Variants in PITPNM2 observed in about 807,000 individuals in gnomAD.
The protein encoded by PITPNM2 is membrane-associated phosphatidylinositol transfer protein 2.
A neutral mutation model predicts 132.2 loss-of-function variants in PITPNM2; 35 were observed. The ratio of observed to expected loss-of-function variants is 0.26; its 90% CI spans 0.20 to 0.35. The LOEUF is 0.35. PITPNM2 is among the 10% of genes least tolerant of loss of function. The probability of loss-of-function intolerance (pLI) is 1.00; values close to 1 mark genes in which losing one functional copy is unlikely to be tolerated. For synonymous variants in PITPNM2, 738 were observed against 799.2 expected (o/e 0.92, Z 1.29); for missense variants, 1,332 against 1,912.0 (o/e 0.70, Z 5.66).
chr12:123,043,395 C>A (rs1390798697), intron 2 of PITPNM2, among the ~76,000 whole-genome samples: 6 of 152,176 alleles, frequency 3.9e-5, no homozygotes, highest in African/African-American at 7.2e-5. Flanking sequence ...CCCCCACCCC[C>A]CACAGATTCC....
At chr12:123,028,836 T>TCAGAGG (rs983570645) in intron 3 of PITPNM2, among the ~76,000 whole-genome samples, 48 of 151,708 alleles carry the variant, frequency 3.2e-4, no homozygotes, top group African/African-American at 1.1e-3. Flanking sequence ...ACCCAGAGGG[T>TCAGAGG]CAGAGGAAGC....
intron 1 of PITPNM2, among the ~76,000 whole-genome samples, chr12:123,144,498 C>T (rs1040145367): frequency 6.6e-6 from 1 of 152,236 alleles, no homozygotes; most frequent in Admixed American, 6.5e-5. Flanking sequence ...GGGGCACGAT[C>T]TCGGCTCACT....
At chr12:123,017,561 C>T (rs2039477340) in intron 3 of PITPNM2, among the ~76,000 whole-genome samples, 1 of 152,228 alleles carries the variant, frequency 6.6e-6, no homozygotes, top group Non-Finnish European at 1.5e-5. Flanking sequence ...AAAACCTGTA[C>T]ACCAATGTTC....
In PITPNM2 at chr12:123,009,891, C is replaced by A; in HGVS notation, c.602G>T (p.Trp201Leu). 6.2e-7 allele frequency: 1 copy of A among 1,614,188 alleles called. No homozygotes were observed. Among genetic ancestry groups the A allele is most frequent in the Non-Finnish European group, 8.5e-7 (1 of 1,180,030 alleles). Reference protein sequence around the residue: ...YKLCKVEFRYWGMQSKIERFI... With the variant: ...YKLCKVEFRYLGMQSKIERFI... ...CCTCTCGATCTTGGACTGCATGCCC[C>A]AGTAGCGGAACTCCACCTTGCAGAG... Residue 201 changes from tryptophan to leucine, a missense_variant, in exon 6 of 26, where the codon TGG becomes TTG. Around this residue, in one of 6 missense-constraint regions of PITPNM2, gnomAD observed 122 missense variants for 209.6 expected, o/e 0.58. Transcript: ENST00000320201. This position sits in a 1 kb window ranked among gnomAD's most constrained non-coding sequence, Gnocchi z 4.8.
chr12:122,991,340 G>A (rs2038176283), intron 16 of PITPNM2, among the ~76,000 whole-genome samples: 1 of 152,214 alleles, frequency 6.6e-6, no homozygotes, highest in Non-Finnish European at 1.5e-5. Flanking sequence ...ACGGGGTACA[G>A]GAGGTGCCTG....
rs1229229533 is a variant in PITPNM2, at chr12:123,099,084, T to C, written c.-96+11301A>G. Among the ~76,000 whole-genome samples the C allele has an allele frequency of 6.6e-6, 1 of 152,142 alleles. No homozygotes were observed. Among genetic ancestry groups the C allele is most frequent in the East Asian group, 1.9e-4 (1 of 5,200 alleles). On this transcript the variant is annotated intron_variant, in intron 2 of 25. Transcript: ENST00000320201. This position sits in a 1 kb window ranked among gnomAD's most constrained non-coding sequence, Gnocchi z 4.2. ...GTGCCTCCCTTCTGTGCATGTGCTA[T>C]GCATTCTAACATGTGTCTATACCCC... is the stretch of plus-strand genomic sequence containing the variant.
At chr12:123,128,655 A>C in intron 1 of PITPNM2, among the ~76,000 whole-genome samples, 1 of 150,898 alleles carries the variant, frequency 6.6e-6, no homozygotes, top group African/African-American at 2.4e-5. Flanking sequence ...CGGGAGACTG[A>C]GGCAGGAGAA....
chr12:123,138,283 C>CA (rs963692581), intron 1 of PITPNM2, among the ~76,000 whole-genome samples: 7 of 151,412 alleles, frequency 4.6e-5, no homozygotes, highest in Admixed American at 2.0e-4. Context: ...CCCATCTCTG[C>CA]AAAAAAATAC....
At position 122,989,010 on chromosome 12, in the gene PITPNM2, G is replaced by A. The variant is rs371702412; in HGVS notation, c.2732-138C>T. The A allele has an allele frequency of 1.2e-3, 1,200 of 1,043,150 alleles. 29 individuals are homozygous for A. The South Asian group carries it at 0.025, about 21-fold the overall frequency. 64.6% of individuals were successfully genotyped at this position (1,043,150 alleles called of 1,614,324 possible). On this transcript the variant is annotated intron_variant, in intron 18 of 25. Coordinates refer to ENST00000320201, the MANE Select transcript of PITPNM2 (RefSeq NM_020845.3). The stretch of plus-strand genomic sequence containing the variant: ...TAGCCAAAAGTGAGTCTTCTCCCAG[G>A]CTGGGTGAGTGAGGCAAGCGGGAGG...
At chr12:123,071,475 A>C (rs192013972) in intron 2 of PITPNM2, among the ~76,000 whole-genome samples, 1 of 152,346 alleles carries the variant, frequency 6.6e-6, no homozygotes, top group African/African-American at 2.4e-5. Flanking sequence ...AGCTCAGTCC[A>C]GGGAGTGGCT....
rs2043726339 is a variant in PITPNM2 at position 123,150,796 on chromosome 12, G to T, written c.-243C>A. The stretch of plus-strand genomic sequence containing the variant: ...GGGCTCTGTCCTCTTCGGGGCCCCG[G>T]CTGGGCCGCCGCCACCTCACGCCGC... On this transcript the variant is annotated 5_prime_UTR_variant, in exon 1 of 26. Coordinates refer to ENST00000320201, the MANE Select transcript of PITPNM2 (RefSeq NM_020845.3). This position sits in a 1 kb window ranked among gnomAD's most constrained non-coding sequence, Gnocchi z 6.0. 6.8e-6 allele frequency among the ~76,000 whole-genome samples: 1 copy of T among 148,084 alleles called. No homozygotes were observed. The highest frequency in any genetic ancestry group is 6.7e-5 in the Admixed American group (1 of 14,908).
intron 1 of PITPNM2, among the ~76,000 whole-genome samples, chr12:123,142,971 GTCC>G (rs2043537589): frequency 6.6e-6 from 1 of 152,000 alleles, no homozygotes; most frequent in Non-Finnish European, 1.5e-5. Context: ...GAGGAAGAAT[GTCC>G]TCCTGTTCTC....
rs901178689 is a variant in PITPNM2, at chr12:122,993,421, T to C, written c.2234-752A>G. 1.3e-5 allele frequency among the ~76,000 whole-genome samples: 2 copies of C among 152,216 alleles called. No homozygotes were observed. The highest frequency in any genetic ancestry group is 2.9e-5 in the Non-Finnish European group (2 of 68,040). ...TTAATTATTAGTGCTGTATCTCACTTTTAGAGGGACATAAACCAGAACATA... is the reference window on the plus strand; with the variant it reads ...TTAATTATTAGTGCTGTATCTCACTCTTAGAGGGACATAAACCAGAACATA... On this transcript the variant is annotated intron_variant, in intron 15 of 25. Transcript: ENST00000320201. The surrounding 1 kb of genome is among the most constrained non-coding windows in gnomAD (Gnocchi z 5.2).
chr12:123,060,775 T>C lies in PITPNM2; in HGVS notation c.-95-26090A>G, dbSNP rs534727407. ...CTGGGTATAGGCACGGTCCTCCTTATAGGTCACCACCTAAGGGGGCAGCAG... is the reference window on the plus strand; with the variant it reads ...CTGGGTATAGGCACGGTCCTCCTTACAGGTCACCACCTAAGGGGGCAGCAG... On this transcript the variant is annotated intron_variant, in intron 2 of 25. Coordinates refer to ENST00000320201, the MANE Select transcript of PITPNM2 (RefSeq NM_020845.3). Among the ~76,000 whole-genome samples the C allele has an allele frequency of 1.8e-4, 28 of 152,230 alleles. No homozygotes were observed. In the South Asian group the frequency reaches 5.8e-3, roughly 32 times the overall value.
rs188700691 is a variant in PITPNM2 at position 123,068,039 on chromosome 12, G to A, written c.-95-33354C>T. 1.1e-4 allele frequency among the ~76,000 whole-genome samples: 17 copies of A among 152,298 alleles called. No homozygotes were observed. In the East Asian group the frequency reaches 3.3e-3, roughly 29 times the overall value. ...TCCAGGCTCTTAAGACACTTGAGGGGAAGTAGTCATGTGGCCCAAAGTGCA... is the reference window on the plus strand; with the variant it reads ...TCCAGGCTCTTAAGACACTTGAGGGAAAGTAGTCATGTGGCCCAAAGTGCA... On this transcript the variant is annotated intron_variant, in intron 2 of 25. Transcript: ENST00000320201.
At chr12:123,103,639 C>T (rs1383943867) in intron 2 of PITPNM2, among the ~76,000 whole-genome samples, 1 of 152,184 alleles carries the variant, frequency 6.6e-6, no homozygotes. Context: ...CTCACTGGGA[C>T]CATTCATTGT....
chr12:123,005,113 C>T lies in PITPNM2; in HGVS notation c.952+127G>A. 8.4e-7 allele frequency: 1 copy of T among 1,194,104 alleles called. No individual in the cohort carries two copies. Among genetic ancestry groups the T allele is most frequent in the South Asian group, 1.5e-5 (1 of 68,468 alleles). 74.0% of individuals were successfully genotyped at this position (1,194,104 alleles called of 1,614,324 possible). On this transcript the variant is annotated intron_variant, in intron 7 of 25. Transcript: ENST00000320201. The surrounding 1 kb of genome is among the most constrained non-coding windows in gnomAD (Gnocchi z 6.2). ...GAGGACTAGCCCAGGGCTCTGACTC[C>T]CTCTGGGCTTGGTGCCTCAATGTCC...
intron 1 of PITPNM2, among the ~76,000 whole-genome samples, chr12:123,140,605 A>G (rs990449003): frequency 1.3e-5 from 2 of 152,040 alleles, no homozygotes; most frequent in African/African-American, 4.8e-5. Flanking sequence ...GGCCATAAAC[A>G]GGGATCTGCT....
chr12:123,042,880 AG>A (rs372634679), intron 2 of PITPNM2, among the ~76,000 whole-genome samples: 1 of 152,154 alleles, frequency 6.6e-6, no homozygotes, highest in East Asian at 1.9e-4. Context: ...CAGACGGATA[AG>A]GGGCTGTTCT....
Sources: allele counts gnomAD v4.1 joint callset (sites outside exome capture counted in the v4.1 genomes callset), GRCh38; gene constraint gnomAD v4.1.1; regional missense constraint gnomAD v4.1.1; non-coding constraint Gnocchi (gnomAD v3.1); transcripts MANE v1.5; gene names NCBI Gene and HGNC (gene_info 2026-07-23, HGNC 2026-07-21).